The following NOP2 variants were observed in gnomAD, a reference collection of about 807,000 sequenced individuals.
The protein encoded by NOP2 is NOP2 nucleolar protein.
In NOP2, 7 loss-of-function variants were observed where a neutral mutation model predicts 72.7. That is an observed-to-expected ratio of 0.10 (90% confidence interval 0.05 to 0.18). NOP2 has a LOEUF of 0.18. NOP2 is among the 10% of genes least tolerant of loss of function. NOP2 has a pLI of 1.00. For missense variants in NOP2, 954 were observed against 1,014.7 expected, an observed-to-expected ratio of 0.94 and a Z score of 0.81; for synonymous variants, 387 against 388.0, an observed-to-expected ratio of 1.00 and a Z score of 0.03.
chr12:6,566,174 G>A lies in NOP2; in HGVS notation c.401C>T (p.Ser134Phe). ...GMVNHGDLWG[S>F]EDDADTVDDY... ...ATCTACCGTATCAGCATCGTCCTCG[G>A]AGCCCCAGAGGTCCCCGTGGTTCAC... Residue 134 changes from serine (S) to phenylalanine (F), a missense_variant, in exon 5 of 16, where the codon TCC (serine) becomes TTC (phenylalanine). Physicochemically the swap from Ser to Phe is radical, Grantham distance 155. Around this residue, in one of 3 missense-constraint regions of NOP2, gnomAD observed 498 missense variants for 478.3 expected, o/e 1.04. Coordinates refer to ENST00000322166, the MANE Select transcript of NOP2 (RefSeq NM_001258308.2). 1.2e-5 allele frequency: 19 copies of A among 1,613,970 alleles called. No homozygotes were observed. Among genetic ancestry groups the A allele is most frequent in the Non-Finnish European group, 1.6e-5 (19 of 1,179,886 alleles).
Position 6,567,761 on chromosome 12 carries a change from A to T in NOP2, c.103+55T>A, listed in dbSNP as rs1477547298. On this transcript the variant is annotated intron_variant, in intron 2 of 15. Transcript: ENST00000322166. Reference sequence around the variant, plus strand: ...CAGAAACTAAAAAAGAGAAGAGGTTATAATACAGAATACTGCAAAAGCTGA... The same window carrying T: ...CAGAAACTAAAAAAGAGAAGAGGTTTTAATACAGAATACTGCAAAAGCTGA... 1.3e-5 allele frequency: 18 copies of T among 1,342,886 alleles called. No homozygotes were observed. The East Asian group carries it at 3.7e-4, about 27-fold the overall frequency. 83.2% of individuals were successfully genotyped at this position (1,342,886 alleles called of 1,614,324 possible).
intron 15 of NOP2, chr12:6,558,154 A>AG: frequency 2.5e-6 from 1 of 398,824 alleles, no homozygotes; most frequent in Non-Finnish European, 4.8e-6. Flanking sequence ...AAAAAAAAAA[A>AG]AAAAAAAAAA....
Position 6,566,161 on chromosome 12 carries a change from A to T in NOP2, c.414T>A (p.Ala138=). The change falls in exon 5 of 16, where the codon GCT becomes GCA. Residue 138 remains alanine, a synonymous_variant. Coordinates refer to ENST00000322166, the MANE Select transcript of NOP2 (RefSeq NM_001258308.2). ...CAGCTCCATAGTCATCTACCGTATC[A>T]GCATCGTCCTCGGAGCCCCAGAGGT... ...HGDLWGSEDD[A]DTVDDYGADS... is the part of the protein sequence containing the mutation. 1 of 1,613,986 alleles carries T rather than the reference A, an allele frequency of 6.2e-7. No homozygotes were observed. Among genetic ancestry groups the T allele is most frequent in the Non-Finnish European group, 8.5e-7 (1 of 1,179,878 alleles).
chr12:6,567,422 C>T (rs1406654580), intron 2 of NOP2: 1 of 216,890 alleles, frequency 4.6e-6, no homozygotes, highest in Non-Finnish European at 9.3e-6. Context: ...CAGCCAGATC[C>T]GTGCTTTTCC....
At position 6,566,287 on chromosome 12, in the gene NOP2, G is replaced by A. The variant is rs1228963130; in HGVS notation, c.288C>T (p.Ser96=). The A allele has an allele frequency of 1.9e-6, 3 of 1,613,780 alleles. No individual in the cohort carries two copies. The highest frequency in any genetic ancestry group is 2.5e-6 in the Non-Finnish European group (3 of 1,179,892). ...TCTTGCCTCGAGGAGCATTAAATAG[G>A]GACTGGGGTCCCTTCTTACCAGCTG... ...VQTAGKKGPQ[S]LFNAPRGKKR... is the part of the protein sequence containing the mutation. Residue 96 remains serine, a synonymous_variant, in exon 5 of 16, where the codon TCC becomes TCT. Transcript: ENST00000322166.
At chr12:6,562,960 C>T (rs765425882) in intron 9 of NOP2, 121 bp downstream of exon 9, 6 of 971,284 alleles carry the variant, frequency 6.2e-6, no homozygotes, top group Non-Finnish European at 9.6e-6. Context: ...TGGGTTTGCC[C>T]CCCCAGGATC....
chr12:6,565,230 T>G (rs964299522), intron 5 of NOP2, among the ~76,000 whole-genome samples: 7 of 151,390 alleles, frequency 4.6e-5, no homozygotes, highest in African/African-American at 9.7e-5. Flanking sequence ...CACAGCTCAC[T>G]GCAGCCTCAA....
chr12:6,567,170 G>A (rs1284496055), intron 2 of NOP2, among the ~76,000 whole-genome samples: 58 of 152,028 alleles, frequency 3.8e-4, no homozygotes, highest in Admixed American at 3.5e-3. Context: ...GGCTGGTCTC[G>A]AACACTGGAC....
chr12:6,563,438 A>C lies in NOP2; in HGVS notation c.765T>G (p.Ala255=). ...AACGAGACCGCCCTTCCTCCCGCTG[A>C]GCCCCAAAATCACGCAGAATTCCCA... ...DIVGILRDFG[A]QREEGRSRSE... is the part of the protein sequence containing the mutation. The change falls in exon 8 of 16, where the codon GCT becomes GCG. Residue 255 remains alanine (A), a synonymous_variant. Transcript: ENST00000322166. 6.2e-7 allele frequency: 1 copy of C among 1,610,444 alleles called. No individual in the cohort carries two copies. The highest frequency in any genetic ancestry group is 8.5e-7 in the Non-Finnish European group (1 of 1,178,370).
intron 2 of NOP2, 21 bp downstream of exon 2, chr12:6,567,795 G>C: frequency 6.3e-7 from 1 of 1,582,750 alleles, no homozygotes. Flanking sequence ...GAGGGATCAG[G>C]AGGCCACAAC....
At position 6,566,568 on chromosome 12, in the gene NOP2, A is replaced by T; in HGVS notation, c.199T>A (p.Ser67Thr). 2 of 1,613,914 alleles carry T rather than the reference A, an allele frequency of 1.2e-6. No individual in the cohort carries two copies. The highest frequency in any genetic ancestry group is 1.7e-6 in the Non-Finnish European group (2 of 1,179,896). Residue 67 changes from serine (S) to threonine (T), a missense_variant, in exon 4 of 16, where the codon TCT (serine) becomes ACT (threonine). Physicochemically the swap from Ser to Thr is moderately conservative, Grantham distance 58 (BLOSUM62 1). This residue lies in a region of NOP2 where 498 missense variants were observed against 478.3 expected (regional missense o/e 1.04). Transcript: ENST00000322166. ...CCAGGCAATGGTTTGGCCTCAGGAG[A>T]CTTATTTGTCTTAGGGGCTTCAACA... ...GSVEAPKTNKSPEAKPLPGKL... is the reference protein window; with the variant it reads ...GSVEAPKTNKTPEAKPLPGKL...
rs765209375 is a variant in NOP2 at position 6,557,145 on chromosome 12, G to A, written c.2287C>T (p.Gln763Ter). Reference protein sequence around the residue: ...KGVEKQQLPEQPFEKAAFQKQ... With the variant: ...KGVEKQQLPE ...TGGAAGGCAGCTTTCTCAAAAGGCT[G>A]CTCTGGCAACTGCTGCTTCTCAACC... is the stretch of plus-strand genomic sequence containing the variant. Residue 763 changes from glutamine to a stop codon, truncating the protein, a stop_gained, in exon 16 of 16, where the codon CAG becomes TAG. Transcript: ENST00000322166. LOFTEE classifies it low-confidence loss of function (END_TRUNC). 1.9e-6 allele frequency: 3 copies of A among 1,614,000 alleles called. No homozygotes were observed. Among genetic ancestry groups the A allele is most frequent in the South Asian group, 2.2e-5 (2 of 91,086 alleles).
chr12:6,564,363 G>GAAA, intron 5 of NOP2: 3 of 149,284 alleles, frequency 2.0e-5, no homozygotes, highest in South Asian at 1.2e-4. Flanking sequence ...TTTCCATTAA[G>GAAA]AAAAAAAAAA....
In NOP2 at chr12:6,563,749, T is replaced by G; in HGVS notation, c.553A>C (p.Thr185Pro). 6.2e-7 allele frequency: 1 copy of G among 1,613,032 alleles called. No individual in the cohort carries two copies. Among genetic ancestry groups the G allele is most frequent in the East Asian group, 2.2e-5 (1 of 44,860 alleles). Residue 185 changes from threonine (T) to proline (P), a missense_variant, in exon 7 of 16, where the codon ACC becomes CCC. Coordinates refer to ENST00000322166, the MANE Select transcript of NOP2 (RefSeq NM_001258308.2). ...TCTTTCTCTTCCTCCTCGTCCTCGGTCTCCTCTTCACTCCACTGGATCCTA... is the reference window on the plus strand; with the variant it reads ...TCTTTCTCTTCCTCCTCGTCCTCGGGCTCCTCTTCACTCCACTGGATCCTA... ...AAGIQWSEEE[T>P]EDEEEEKEVT...
Position 6,563,776 on chromosome 12 carries a change from A to C in NOP2, c.531-5T>G. On this transcript the variant is annotated splice_region_variant and splice_polypyrimidine_tract_variant and intron_variant, in intron 6 of 15. Coordinates refer to ENST00000322166, the MANE Select transcript of NOP2 (RefSeq NM_001258308.2). ...TCCTCTTCACTCCACTGGATCCTAG[A>C]AACAGGTCCAGGAACAGAGTGATTC... 6.2e-7 allele frequency: 1 copy of C among 1,613,014 alleles called. No individual in the cohort carries two copies. Among genetic ancestry groups the C allele is most frequent in the South Asian group, 1.1e-5 (1 of 90,884 alleles).
chr12:6,561,833 CG>C, intron 10 of NOP2, 29 bp from the exon 11 acceptor site: 12 of 1,608,712 alleles, frequency 7.5e-6, no homozygotes, highest in Non-Finnish European at 1.0e-5. Context: ...CTGTGACATG[CG>C]GTAGGGACAG....
At chr12:6,563,263 C>A in intron 8 of NOP2, 52 bp downstream of exon 8, 2 of 1,539,756 alleles carry the variant, frequency 1.3e-6, no homozygotes, top group East Asian at 2.4e-5. Context: ...CCTTACACAG[C>A]GTAAGGAGGC....
intron 5 of NOP2, chr12:6,564,298 A>G (rs990340740): frequency 3.2e-5 from 8 of 252,380 alleles, no homozygotes; most frequent in South Asian, 2.3e-4. Context: ...AAAAAACCTA[A>G]GTAATAAATT....
At position 6,567,893 on chromosome 12, in the gene NOP2, T is replaced by G; in HGVS notation, c.26A>C (p.Lys9Thr). The change falls in exon 2 of 16, where the codon AAG becomes ACG. Residue 9 changes from lysine to threonine, a missense_variant. Physicochemically the swap from Lys to Thr is moderately conservative, Grantham distance 78 (BLOSUM62 -1). Transcript: ENST00000322166. ...CTTTCGGCCTGGCCCCCGCTTCTCC[T>G]TCGTAGGGTCCAACTTGCGCCCCAT... MGRKLDPTKEKRGPGRKAR... is the reference protein window; with the variant it reads MGRKLDPTTEKRGPGRKAR... The G allele has an allele frequency of 6.2e-7, 1 of 1,613,978 alleles. No individual in the cohort carries two copies. The highest frequency in any genetic ancestry group is 1.1e-5 in the South Asian group (1 of 91,086).
Sources: allele counts gnomAD v4.1 joint callset (sites outside exome capture counted in the v4.1 genomes callset), GRCh38; gene constraint gnomAD v4.1.1; regional missense constraint gnomAD v4.1.1; transcripts MANE v1.5; gene names NCBI Gene and HGNC (gene_info 2026-07-23, HGNC 2026-07-21).